The following HMCN2 variants were observed in gnomAD, a reference collection of about 807,000 sequenced individuals.
HMCN2 encodes the protein hemicentin 2, also known as hemicentin-2.
HMCN2 carries 325 observed loss-of-function variants against 377.5 expected under a neutral mutation model. That is an observed-to-expected ratio of 0.86 (90% CI 0.79 to 0.94). The LOEUF is 0.94. HMCN2 is among the 40% of genes least tolerant of loss of function. The pLI, the probability that HMCN2 is intolerant of heterozygous loss-of-function variation, is 0.00. For missense variants in HMCN2, 4,543 were observed against 4,725.3 expected, an observed-to-expected ratio of 0.96 and a Z score of 1.13; for synonymous variants, 2,007 against 2,046.8, an observed-to-expected ratio of 0.98 and a Z score of 0.53.
intron 15 of HMCN2, among the ~76,000 whole-genome samples, chr9:130,312,906 C>T (rs966659919): frequency 5.3e-5 from 8 of 151,956 alleles, no homozygotes; most frequent in South Asian, 2.1e-4. Context: ...GTGATCTACC[C>T]GCCTCGGCCT....
chr9:130,290,840 C>A (rs1412948884), intron 4 of HMCN2, among the ~76,000 whole-genome samples: 2 of 144,414 alleles, frequency 1.4e-5, no homozygotes, highest in African/African-American at 5.2e-5. Context: ...AACTTCTAGG[C>A]ACATATCTTC....
At chr9:130,302,665 C>A (rs1836581702) in intron 8 of HMCN2, among the ~76,000 whole-genome samples, 192 bp from the exon 9 acceptor site, 1 of 152,202 alleles carries the variant, frequency 6.6e-6, no homozygotes, top group South Asian at 2.1e-4. Context: ...CTCCTCAGGA[C>A]AACAGGACGA....
chr9:130,376,353 A>G (rs1841375053), intron 51 of HMCN2, among the ~76,000 whole-genome samples, 163 bp from the exon 52 acceptor site: 1 of 152,090 alleles, frequency 6.6e-6, no homozygotes, highest in Non-Finnish European at 1.5e-5. Flanking sequence ...TTGCAGACAA[A>G]TGCTCTCTCC....
At chr9:130,345,524 T>C (rs921334932) in intron 25 of HMCN2, among the ~76,000 whole-genome samples, 189 of 149,616 alleles carry the variant, frequency 1.3e-3, no homozygotes, top group African/African-American at 4.4e-3. Context: ...GTATGGTGTT[T>C]GGTGTGTATA....
chr9:130,430,654 G>T, intron 95 of HMCN2, 50 bp downstream of exon 95: 1 of 1,479,932 alleles, frequency 6.8e-7, no homozygotes. Context: ...ATGGGCTCTT[G>T]GGCCCCTAGG....
chr9:130,429,479 G>A, intron 93 of HMCN2, 78 bp from the exon 94 acceptor site: 3 of 1,522,298 alleles, frequency 2.0e-6, no homozygotes, highest in Non-Finnish European at 1.8e-6. Flanking sequence ...GCCCAGATAT[G>A]GAGGGGGATG....
At chr9:130,416,020 CGGT>C in intron 85 of HMCN2, among the ~76,000 whole-genome samples, 1 of 152,052 alleles carries the variant, frequency 6.6e-6, no homozygotes, top group East Asian at 1.9e-4. Flanking sequence ...GTGATGGTCA[CGGT>C]GGGGTAGGGA....
chr9:130,330,593 G>C (rs1838375203), intron 22 of HMCN2, among the ~76,000 whole-genome samples: 1 of 152,028 alleles, frequency 6.6e-6, no homozygotes, highest in Admixed American at 6.6e-5. Context: ...GAACTCCTAG[G>C]TATCTTCGAC....
Position 130,398,647 on chromosome 9 carries a change from T to C in HMCN2, c.11423T>C (p.Leu3808Pro). The C allele has an allele frequency of 7.8e-7, 1 of 1,289,492 alleles. No homozygotes were observed. Among genetic ancestry groups the C allele is most frequent in the South Asian group, 1.2e-5 (1 of 81,006 alleles). The allele number at this position is 1,289,492 out of a possible 1,614,324, so 79.9% of individuals were successfully genotyped here. ...GAGGCCAGCGGCTCCCCTAAGCCCCTGGTGGTCTGGTGGAAGGACGGACAG... is the reference window on the plus strand; with the variant it reads ...GAGGCCAGCGGCTCCCCTAAGCCCCCGGTGGTCTGGTGGAAGGACGGACAG... ...PCEASGSPKPLVVWWKDGQKL... is the reference protein window; with the variant it reads ...PCEASGSPKPPVVWWKDGQKL... The change falls in exon 75 of 98, where the codon CTG (leucine) becomes CCG (proline). Residue 3808 changes from leucine to proline, a missense_variant. By Grantham distance (98) the Leu-to-Pro change is moderately conservative (BLOSUM62 -3). This residue lies in a region of HMCN2 where 1,073 missense variants were observed against 1,319.5 expected (regional missense o/e 0.81). Transcript: ENST00000683500.
chr9:130,321,318 TATC>T (rs1301226684), intron 18 of HMCN2, among the ~76,000 whole-genome samples: 1 of 152,222 alleles, frequency 6.6e-6, no homozygotes, highest in Non-Finnish European at 1.5e-5. Flanking sequence ...GTGGTTGCCT[TATC>T]AACCAGTTCA....
intron 62 of HMCN2, among the ~76,000 whole-genome samples, chr9:130,390,284 T>C (rs956335228): frequency 1.3e-5 from 2 of 149,354 alleles, no homozygotes; most frequent in African/African-American, 4.9e-5. Flanking sequence ...CCCGGCTCCA[T>C]CAGGGGCTCA....
Position 130,304,702 on chromosome 9 carries a change from G to A in HMCN2, c.1544-28G>A. 2.2e-6 allele frequency: 1 copy of A among 445,518 alleles called. No individual in the cohort carries two copies. The highest frequency in any genetic ancestry group is 1.6e-5 in the South Asian group (1 of 62,212). The allele number at this position is 445,518 out of a possible 1,614,324, so 27.6% of individuals were successfully genotyped here. A position where few individuals can be genotyped will look rare whatever the true frequency, so the allele number is the denominator to read the frequency against. On this transcript the variant is annotated intron_variant, in intron 10 of 97. Coordinates refer to ENST00000683500, the MANE Select transcript of HMCN2 (RefSeq NM_001291815.2). The surrounding 1 kb of genome is among the most constrained non-coding windows in gnomAD (Gnocchi z 4.3). ...ACCCCCTCCCTTGCCTCAGCTCCTT[G>A]GTTCCTCCTGTGCTCATGTCCCTGC...
Position 130,348,449 on chromosome 9 carries a change from C to T in HMCN2, c.4025-96C>T, listed in dbSNP as rs1475568345. 6.5e-6 allele frequency: 8 copies of T among 1,239,082 alleles called. No individual in the cohort carries two copies. The African/African-American group carries it at 1.2e-4, about 19-fold the overall frequency. 76.8% of individuals were successfully genotyped at this position (1,239,082 alleles called of 1,614,324 possible). A position where few individuals can be genotyped will look rare whatever the true frequency, so the allele number is the denominator to read the frequency against. ...GGGACAGGCAGACCTTCTCCAACCC[C>T]AGTGACGAAGGGGAGGGAATGGCCC... On this transcript the variant is annotated intron_variant, in intron 26 of 97. Coordinates refer to ENST00000683500, the MANE Select transcript of HMCN2 (RefSeq NM_001291815.2).
chr9:130,365,565 C>A, intron 41 of HMCN2, 66 bp from the exon 42 acceptor site: 2 of 791,908 alleles, frequency 2.5e-6, no homozygotes, highest in Non-Finnish European at 3.1e-6. Flanking sequence ...TGCAGTCACA[C>A]AGTCTGTCCA....
chr9:130,368,742 G>A (rs1840839566), intron 44 of HMCN2, among the ~76,000 whole-genome samples: 1 of 151,324 alleles, frequency 6.6e-6, no homozygotes, highest in South Asian at 2.1e-4. Context: ...CGGCAGGAGA[G>A]AGAGAGAGCC....
rs1373956312 is a variant in HMCN2, at chr9:130,403,229, C to G, written c.11914C>G (p.Arg3972Gly). ...GGTGAAGCCGCTGCCCAGCGTGGTT[C>G]GGGCAGTGGCAGAGGAGGAGGTGCT... The part of the protein sequence containing the change: ...PVVKPLPSVV[R>G]AVAEEEVLLP... The change falls in exon 79 of 98, where the codon CGG (arginine) becomes GGG (glycine). Residue 3972 changes from arginine to glycine, a missense_variant. Arg to Gly is a moderately radical substitution (Grantham distance 125). Around this residue, in one of 5 missense-constraint regions of HMCN2, gnomAD observed 1,073 missense variants for 1,319.5 expected, o/e 0.81. Transcript: ENST00000683500. 1 of 1,289,726 alleles carries G rather than the reference C, an allele frequency of 7.8e-7. No individual in the cohort carries two copies. The highest frequency in any genetic ancestry group is 1.2e-5 in the South Asian group (1 of 81,008). 79.9% of individuals were successfully genotyped at this position (1,289,726 alleles called of 1,614,324 possible). A position where few individuals can be genotyped will look rare whatever the true frequency, so the allele number is the denominator to read the frequency against.
rs782216456 is a variant in HMCN2 at position 130,303,049 on chromosome 9, C to A, written c.1421+48C>A. On this transcript the variant is annotated intron_variant, in intron 9 of 97. Transcript: ENST00000683500. This position sits in a 1 kb window ranked among gnomAD's most constrained non-coding sequence, Gnocchi z 5.2. ...TTGTCCCCAGCCACAGGGCTCCTGG[C>A]TGCTGAGGCCCTGGAGGGATCTCAG... is the stretch of plus-strand genomic sequence containing the variant. 4 of 442,386 alleles carry A rather than the reference C, an allele frequency of 9.0e-6. No homozygotes were observed. The highest frequency in any genetic ancestry group is 1.9e-5 in the Non-Finnish European group (4 of 212,248). 27.4% of individuals were successfully genotyped at this position (442,386 alleles called of 1,614,324 possible).
chr9:130,267,838 G>C (rs1554919766), intron 1 of HMCN2, among the ~76,000 whole-genome samples: 1 of 152,314 alleles, frequency 6.6e-6, no homozygotes, highest in South Asian at 2.1e-4. Flanking sequence ...GTTGTGAGGA[G>C]GTGGGCTGTG....
In HMCN2 at chr9:130,275,610, T is replaced by C. The variant is rs7020590; in HGVS notation, c.260-8993T>C. On this transcript the variant is annotated intron_variant, in intron 1 of 97. Coordinates refer to ENST00000683500, the MANE Select transcript of HMCN2 (RefSeq NM_001291815.2). ...GATTACAGGTGCCTGCCACCATGCC[T>C]GGCTAATTTTTGTGTTTTTAGTAGA... Among the ~76,000 whole-genome samples the C allele has an allele frequency of 1.1e-3, 175 of 152,236 alleles. 3 individuals carry two copies. The highest frequency in any genetic ancestry group is 9.9e-3 in the Admixed American group (152 of 15,290).
Sources: gnomAD v4.1 joint callset for allele counts (sites outside exome capture counted in the v4.1 genomes callset) on GRCh38, gnomAD v4.1.1 for gene constraint, gnomAD v4.1.1 regional missense constraint, Gnocchi (gnomAD v3.1) non-coding constraint, MANE v1.5 for transcripts, NCBI Gene and HGNC (gene_info 2026-07-23, HGNC 2026-07-21) for gene names.